Variants in PRKAR1B observed in about 807,000 individuals in gnomAD.
The protein encoded by PRKAR1B is protein kinase cAMP-dependent type I regulatory subunit beta.
Under a neutral mutation model 46.5 loss-of-function variants are expected in PRKAR1B, and 22 were observed. The observed-to-expected ratio is 0.47, with a 90% CI of 0.34 to 0.68. PRKAR1B has a LOEUF of 0.68. Among genes scored for constraint, PRKAR1B ranks in the 30% least tolerant of loss-of-function variants. The pLI, the probability that PRKAR1B is intolerant of heterozygous loss-of-function variation, is 0.01. For missense variants in PRKAR1B, 445 were observed against 535.6 expected (o/e 0.83, Z 1.67); for synonymous variants, 259 against 217.7 (o/e 1.19, Z -1.67).
intron 4 of PRKAR1B, among the ~76,000 whole-genome samples, chr7:645,681 G>A (rs1409265719): frequency 1.3e-5 from 2 of 152,128 alleles, no homozygotes; most frequent in South Asian, 2.1e-4. Flanking sequence ...GCAGTGAGAC[G>A]AGTTCCAAGC....
chr7:711,184 C>T (rs1336246946), intron 2 of PRKAR1B, 145 bp downstream of exon 2: 1 of 1,169,942 alleles, frequency 8.5e-7, no homozygotes, highest in Non-Finnish European at 1.2e-6. Flanking sequence ...TCTCCCCGCG[C>T]TTCTGGAAGG....
chr7:591,896 A>G (rs1457724953), intron 7 of PRKAR1B, among the ~76,000 whole-genome samples: 1 of 152,186 alleles, frequency 6.6e-6, no homozygotes, highest in African/African-American at 2.4e-5. Flanking sequence ...CGTGAGGTGA[A>G]GCCCACCAGA....
intron 4 of PRKAR1B, among the ~76,000 whole-genome samples, chr7:619,322 G>T (rs1370056044): frequency 6.6e-6 from 1 of 152,202 alleles, no homozygotes; most frequent in African/African-American, 2.4e-5. Context: ...TGAGACGCTT[G>T]ATCACTGTTG....
At position 560,883 on chromosome 7, in the gene PRKAR1B, G is replaced by A. The variant is rs1394193371; in HGVS notation, c.892-9413C>T. On this transcript the variant is annotated intron_variant, in intron 9 of 10. Coordinates refer to ENST00000537384, the MANE Select transcript of PRKAR1B (RefSeq NM_001164760.2). The surrounding 1 kb of genome is among the most constrained non-coding windows in gnomAD (Gnocchi z 4.2). ...CTCAGGGCCACGGGGGCCACGACAC[G>A]TTCCTCCCTCCAGTGAGACTCCTCA... 1.3e-5 allele frequency among the ~76,000 whole-genome samples: 2 copies of A among 152,156 alleles called. No individual in the cohort carries two copies. The highest frequency in any genetic ancestry group is 1.9e-4 in the East Asian group (1 of 5,194).
rs186001981 is a variant in PRKAR1B at position 625,963 on chromosome 7, G to A, written c.441-18511C>T. On this transcript the variant is annotated intron_variant, in intron 4 of 10. Transcript: ENST00000537384. ...GCAGAGGTTGCAGTGAGCCGAGATC[G>A]CGCCATTGCACTCCAGCCTGGGTGA... is the stretch of plus-strand genomic sequence containing the variant. 4.5e-3 allele frequency among the ~76,000 whole-genome samples: 664 copies of A among 146,036 alleles called. 1 individual carries two copies. The highest frequency in any genetic ancestry group is 0.016 in the African/African-American group (628 of 39,198).
intron 9 of PRKAR1B, among the ~76,000 whole-genome samples, chr7:576,244 T>C (rs9767936): frequency 3.7e-4 from 55 of 148,986 alleles, no homozygotes; most frequent in African/African-American, 1.3e-3. Context: ...CACGGGCGGG[T>C]GTGCACGCTG....
chr7:619,837 G>A (rs921402242), intron 4 of PRKAR1B, among the ~76,000 whole-genome samples: 12 of 151,578 alleles, frequency 7.9e-5, no homozygotes, highest in Non-Finnish European at 1.5e-4. Context: ...TCTTTCTGTT[G>A]TTTTGTTTTT....
chr7:686,260 C>G (rs1779091130), intron 2 of PRKAR1B, among the ~76,000 whole-genome samples: 2 of 151,630 alleles, frequency 1.3e-5, no homozygotes, highest in South Asian at 4.2e-4. Flanking sequence ...GAAATCGTAC[C>G]ACTGCACTCC....
intron 9 of PRKAR1B, among the ~76,000 whole-genome samples, chr7:555,447 G>A (rs1031063887): frequency 6.6e-6 from 1 of 152,200 alleles, no homozygotes. Flanking sequence ...ATTACCACAC[G>A]GATGACTTTT....
At chr7:615,338 T>C (rs963353335) in intron 4 of PRKAR1B, among the ~76,000 whole-genome samples, 7 of 151,460 alleles carry the variant, frequency 4.6e-5, no homozygotes, top group African/African-American at 1.5e-4. Flanking sequence ...GGCAGGAGGA[T>C]TGCTGGAACC....
intron 2 of PRKAR1B, among the ~76,000 whole-genome samples, chr7:697,509 C>G (rs1779808196): frequency 6.6e-6 from 1 of 152,158 alleles, no homozygotes; most frequent in South Asian, 2.1e-4. Flanking sequence ...GCCGGGCAGG[C>G]ATGAGTGGTG....
chr7:707,475 A>G (rs1780388490), intron 2 of PRKAR1B, among the ~76,000 whole-genome samples: 1 of 152,190 alleles, frequency 6.6e-6, no homozygotes, highest in African/African-American at 2.4e-5. Flanking sequence ...GGCCTGAGAA[A>G]AATTGCCCTG....
Position 596,362 on chromosome 7 carries a change from A to C in PRKAR1B, c.550-58T>G, listed in dbSNP as rs549682722. The stretch of plus-strand genomic sequence containing the variant: ...GGCCAGGCAGGGTGACCTCCTCTGC[A>C]TCCCATACAGAAAGTCCCCCTTAGC... On this transcript the variant is annotated intron_variant, in intron 6 of 10. Coordinates refer to ENST00000537384, the MANE Select transcript of PRKAR1B (RefSeq NM_001164760.2). The C allele has an allele frequency of 2.6e-3, 3,978 of 1,557,386 alleles. 8 individuals are homozygous for C. The highest frequency in any genetic ancestry group is 3.2e-3 in the Non-Finnish European group (3,711 of 1,147,188).
At chr7:704,474 C>A (rs900652042) in intron 2 of PRKAR1B, among the ~76,000 whole-genome samples, 2 of 152,162 alleles carry the variant, frequency 1.3e-5, no homozygotes, top group Admixed American at 6.5e-5. Flanking sequence ...CGGAACAATG[C>A]CTTGAAATAC....
chr7:552,586 A>C (rs1784313787), intron 9 of PRKAR1B, among the ~76,000 whole-genome samples: 2 of 152,196 alleles, frequency 1.3e-5, no homozygotes, highest in South Asian at 2.1e-4. Context: ...AGGGCATCTG[A>C]GCACCGCGGG....
At chr7:716,022 A>G (rs1269241165) in intron 1 of PRKAR1B, among the ~76,000 whole-genome samples, 4 of 146,832 alleles carry the variant, frequency 2.7e-5, no homozygotes, top group African/African-American at 1.0e-4. Flanking sequence ...GCCTAGCCAC[A>G]TTCTTTATAT....
At chr7:590,832 G>A (rs905034068) in intron 7 of PRKAR1B, among the ~76,000 whole-genome samples, 8 of 152,200 alleles carry the variant, frequency 5.3e-5, no homozygotes, top group South Asian at 2.1e-4. Context: ...GTGCCTGAAC[G>A]AACCGGGCTT....
chr7:573,730 G>A (rs987637271), intron 9 of PRKAR1B, among the ~76,000 whole-genome samples: 6 of 152,350 alleles, frequency 3.9e-5, no homozygotes, highest in Middle Eastern at 6.8e-3. Flanking sequence ...TGGACAGAGG[G>A]TCAGAAAGCG....
At chr7:713,732 G>A (rs1780774750) in intron 1 of PRKAR1B, among the ~76,000 whole-genome samples, 1 of 152,180 alleles carries the variant, frequency 6.6e-6, no homozygotes, top group Non-Finnish European at 1.5e-5. Flanking sequence ...CCACTCACCT[G>A]CCTGCACAGG....
Sources: allele counts gnomAD v4.1 joint callset (sites outside exome capture counted in the v4.1 genomes callset), GRCh38; gene constraint gnomAD v4.1.1; non-coding constraint Gnocchi (gnomAD v3.1); transcripts MANE v1.5; gene names NCBI Gene and HGNC (gene_info 2026-07-23, HGNC 2026-07-21).